ST8SIA5: variants seen among roughly 807,000 people sequenced by gnomAD.
The protein encoded by ST8SIA5 is alpha-2,8-sialyltransferase 8E.
In ST8SIA5, 24 loss-of-function variants were observed where a neutral mutation model predicts 40.2. The ratio of observed to expected loss-of-function variants is 0.60; its 90% confidence interval spans 0.43 to 0.84. The LOEUF is 0.84. Ranked by LOEUF, ST8SIA5 falls within the 40% of genes least tolerant of loss-of-function variation. The probability of loss-of-function intolerance (pLI) is 0.00; values close to 1 mark genes in which losing one functional copy is unlikely to be tolerated. For synonymous variants in ST8SIA5, 198 were observed against 201.8 expected (o/e 0.98, Z 0.16); for missense variants, 465 against 498.5 (o/e 0.93, Z 0.64).
At chr18:46,688,518 C>T (rs955547618) in intron 4 of ST8SIA5, among the ~76,000 whole-genome samples, 1 of 152,224 alleles carries the variant, frequency 6.6e-6, no homozygotes, top group Admixed American at 6.5e-5. Flanking sequence ...ATGCAATACC[C>T]AGAATTTTCT....
intron 1 of ST8SIA5, among the ~76,000 whole-genome samples, chr18:46,708,970 T>C (rs1261178507): frequency 6.6e-6 from 1 of 152,230 alleles, no homozygotes; most frequent in Non-Finnish European, 1.5e-5. Flanking sequence ...ATTCCATGCC[T>C]GAGTCTAAAG....
At chr18:46,692,061 G>T in intron 3 of ST8SIA5, 108 bp downstream of exon 3, 1 of 1,169,660 alleles carries the variant, frequency 8.5e-7, no homozygotes, top group Non-Finnish European at 1.3e-6. Flanking sequence ...GTCTGCTCTG[G>T]GGAAGATGCA....
intron 5 of ST8SIA5, 75 bp from the exon 6 acceptor site, chr18:46,682,139 G>A: frequency 2.8e-6 from 3 of 1,089,650 alleles, no homozygotes; most frequent in Non-Finnish European, 3.9e-6. Context: ...AGGGGGAGGG[G>A]AGGGATGGTG....
chr18:46,719,119 AGGTGT>A (rs1433330676), intron 1 of ST8SIA5, among the ~76,000 whole-genome samples: 1 of 152,184 alleles, frequency 6.6e-6, no homozygotes, highest in Non-Finnish European at 1.5e-5. Flanking sequence ...AAAATGTGGG[AGGTGT>A]GGTCATGCCA....
rs780295392 is a variant in ST8SIA5 at position 46,686,188 on chromosome 18, G to A, written c.555C>T (p.Ala185=). The change falls in exon 5 of 7, where the codon GCC becomes GCT. Residue 185 remains alanine, a synonymous_variant. Coordinates refer to ENST00000315087, the MANE Select transcript of ST8SIA5 (RefSeq NM_013305.6). ...GTTTCTTTTACCGGAAGACGAAGTC[G>A]GCGCTGTTGATCTCCCTCCCGCAGC... ...NSRCGREINS[A]DFVFRCNLPP... is the part of the protein sequence containing the mutation. 1.9e-5 allele frequency: 30 copies of A among 1,613,996 alleles called. No individual in the cohort carries two copies. The highest frequency in any genetic ancestry group is 1.6e-4 in the Middle Eastern group (1 of 6,084).
At position 46,670,399 on chromosome 18, in the gene ST8SIA5, C is replaced by G. The variant is rs148060805; in HGVS notation, c.*9643G>C. ...CCTCTCTTCCCCACTAAACGACCAA[C>G]GACCTCAGGCTACTTGATGGTTCCT... On this transcript the variant is annotated 3_prime_UTR_variant, in exon 7 of 7. Transcript: ENST00000315087. 1.3e-5 allele frequency: 2 copies of G among 152,180 alleles called. 1 individual carries two copies. Among genetic ancestry groups the G allele is most frequent in the Non-Finnish European group, 2.9e-5 (2 of 68,040 alleles). 9.4% of individuals were successfully genotyped at this position (152,180 alleles called of 1,614,324 possible).
chr18:46,756,077 G>A (rs1470186846), intron 1 of ST8SIA5, among the ~76,000 whole-genome samples: 2 of 152,236 alleles, frequency 1.3e-5, no homozygotes, highest in Non-Finnish European at 2.9e-5. Flanking sequence ...TCCGATCCAT[G>A]CGGTCTCTCC....
At chr18:46,697,379 T>C (rs754022040) in intron 2 of ST8SIA5, among the ~76,000 whole-genome samples, 5 of 152,008 alleles carry the variant, frequency 3.3e-5, no homozygotes, top group Non-Finnish European at 7.4e-5. Flanking sequence ...CTACTTAGGG[T>C]ACAAAGAAAG....
At chr18:46,726,639 CCAGGCACG>C (rs2039933100) in intron 1 of ST8SIA5, among the ~76,000 whole-genome samples, 1 of 142,174 alleles carries the variant, frequency 7.0e-6, no homozygotes, top group Admixed American at 7.1e-5. Context: ...ATTTTTAAGG[CCAGGCACG>C]GTGGCTCGTG....
chr18:46,738,271 G>A (rs1207967317), intron 1 of ST8SIA5, among the ~76,000 whole-genome samples: 2 of 151,558 alleles, frequency 1.3e-5, no homozygotes, highest in African/African-American at 4.9e-5. Context: ...AAAAAGGTGG[G>A]TGGGGCAAGG....
chr18:46,710,339 TTCCTTTCC>T (rs766806970), intron 1 of ST8SIA5, among the ~76,000 whole-genome samples: 12 of 151,536 alleles, frequency 7.9e-5, no homozygotes, highest in Non-Finnish European at 1.3e-4. Context: ...TTTCTTTTTC[TTCCTTTCC>T]TTCTTTCCTT....
At chr18:46,713,775 C>A (rs558677233) in intron 1 of ST8SIA5, among the ~76,000 whole-genome samples, 13 of 152,160 alleles carry the variant, frequency 8.5e-5, no homozygotes, top group South Asian at 2.1e-4. Flanking sequence ...GATCTAGCAA[C>A]CAGGAAGTCA....
At chr18:46,717,854 A>G (rs2039808154) in intron 1 of ST8SIA5, among the ~76,000 whole-genome samples, 1 of 151,662 alleles carries the variant, frequency 6.6e-6, no homozygotes, top group Non-Finnish European at 1.5e-5. Context: ...TTTTTTACAC[A>G]ATTCACATTT....
At chr18:46,691,271 A>G (rs1371268864) in intron 3 of ST8SIA5, among the ~76,000 whole-genome samples, 3 of 152,176 alleles carry the variant, frequency 2.0e-5, no homozygotes, top group Admixed American at 6.5e-5. Flanking sequence ...CATTTCTAAA[A>G]ATGTGCCTCT....
intron 2 of ST8SIA5, among the ~76,000 whole-genome samples, chr18:46,700,405 G>C (rs894231154): frequency 6.6e-6 from 1 of 152,210 alleles, no homozygotes; most frequent in African/African-American, 2.4e-5. Flanking sequence ...CAAAGACTGA[G>C]GGTTGGACCC....
intron 1 of ST8SIA5, among the ~76,000 whole-genome samples, chr18:46,729,901 G>A (rs1385375885): frequency 2.0e-5 from 3 of 152,042 alleles, no homozygotes; most frequent in African/African-American, 7.2e-5. Context: ...GTGGTGAGAG[G>A]ACAGAAAATG....
intron 1 of ST8SIA5, among the ~76,000 whole-genome samples, chr18:46,729,376 G>A (rs1302153071): frequency 4.3e-5 from 1 of 23,432 alleles, no homozygotes; most frequent in African/African-American, 1.2e-4. Flanking sequence ...GGGAAAGGGG[G>A]CCAGGGGTGG....
rs559804061 is a variant in ST8SIA5, at chr18:46,679,289, G to A, written c.*753C>T. On this transcript the variant is annotated 3_prime_UTR_variant, in exon 7 of 7. Coordinates refer to ENST00000315087, the MANE Select transcript of ST8SIA5 (RefSeq NM_013305.6). ...TTTCCTTCTCATCAAAAGAGCTAAC[G>A]CAGGATTGAACCTGGGGGCACCAAG... The A allele has an allele frequency of 6.6e-6, 1 of 152,184 alleles. No individual in the cohort carries two copies. The highest frequency in any genetic ancestry group is 1.5e-5 in the Non-Finnish European group (1 of 68,070). 9.4% of individuals were successfully genotyped at this position (152,184 alleles called of 1,614,324 possible). A position where few individuals can be genotyped will look rare whatever the true frequency, so the allele number is the denominator to read the frequency against.
At position 46,671,064 on chromosome 18, in the gene ST8SIA5, C is replaced by A. The variant is rs768736753; in HGVS notation, c.*8978G>T. 8 of 152,176 alleles carry A rather than the reference C, an allele frequency of 5.3e-5. No individual in the cohort carries two copies. The highest frequency in any genetic ancestry group is 1.2e-4 in the Non-Finnish European group (8 of 68,032). 9.4% of individuals were successfully genotyped at this position (152,176 alleles called of 1,614,324 possible). A position where few individuals can be genotyped will look rare whatever the true frequency, so the allele number is the denominator to read the frequency against. On this transcript the variant is annotated 3_prime_UTR_variant, in exon 7 of 7. Coordinates refer to ENST00000315087, the MANE Select transcript of ST8SIA5 (RefSeq NM_013305.6). ...AACTGAGTCCTCAGTTACCTGGGGG[C>A]TGAGTGAATTTGCTGGGTTCGATCC...
Sources: allele counts gnomAD v4.1 joint callset (sites outside exome capture counted in the v4.1 genomes callset), GRCh38; gene constraint gnomAD v4.1.1; transcripts MANE v1.5; gene names NCBI Gene and HGNC (gene_info 2026-07-23, HGNC 2026-07-21).